Variants in MIPEP observed in about 807,000 individuals in gnomAD.
The protein encoded by MIPEP is mitochondrial intermediate peptidase.
A neutral mutation model predicts 90.3 loss-of-function variants in MIPEP; 79 were observed. The observed-to-expected ratio is 0.87, with a 90% CI of 0.73 to 1.05. The LOEUF (loss-of-function observed/expected upper bound fraction) is 1.05, where lower values mean the gene tolerates loss of function less well. Ranked by LOEUF, MIPEP falls within the 50% of genes least tolerant of loss-of-function variation. The pLI is 0.00. For missense variants in MIPEP, 940 were observed against 905.6 expected (o/e 1.04, Z -0.49); for synonymous variants, 334 against 315.8 (o/e 1.06, Z -0.61).
At chr13:23,877,069 TTAAA>T (rs1057385844) in intron 4 of MIPEP, among the ~76,000 whole-genome samples, 4 of 152,200 alleles carry the variant, frequency 2.6e-5, no homozygotes, top group Non-Finnish European at 5.9e-5. Flanking sequence ...ATAACGCTCT[TTAAA>T]TACAGCATTT....
At chr13:23,820,001 C>T (rs1953285698) in intron 14 of MIPEP, among the ~76,000 whole-genome samples, 1 of 151,032 alleles carries the variant, frequency 6.6e-6, no homozygotes, top group African/African-American at 2.4e-5. Flanking sequence ...AAGAGGGAGA[C>T]TCCATCTCAA....
intron 16 of MIPEP, among the ~76,000 whole-genome samples, chr13:23,778,677 TCC>T (rs1952743750): frequency 6.6e-6 from 1 of 151,248 alleles, no homozygotes; most frequent in African/African-American, 2.4e-5. Context: ...TTTTTTCAAT[TCC>T]CCTTTCAAGC....
chr13:23,803,964 G>A (rs1953077312), intron 16 of MIPEP, among the ~76,000 whole-genome samples: 1 of 152,066 alleles, frequency 6.6e-6, no homozygotes, highest in East Asian at 1.9e-4. Flanking sequence ...GCAAGTGATG[G>A]CTACTGAACG....
intron 14 of MIPEP, among the ~76,000 whole-genome samples, chr13:23,832,929 T>C (rs1868843445): frequency 6.6e-6 from 1 of 152,232 alleles, no homozygotes; most frequent in Non-Finnish European, 1.5e-5. Flanking sequence ...GCATGACACC[T>C]GCAAATCTGA....
intron 1 of MIPEP, chr13:23,888,865 A>T (rs1871654162): frequency 1.6e-6 from 1 of 614,306 alleles, no homozygotes; most frequent in African/African-American, 1.9e-5. Flanking sequence ...GCCAGAACGA[A>T]CTATTCAGAT....
chr13:23,782,153 T>C (rs926510953), intron 16 of MIPEP, among the ~76,000 whole-genome samples: 5 of 152,174 alleles, frequency 3.3e-5, no homozygotes, highest in African/African-American at 1.2e-4. Flanking sequence ...AGAATATACA[T>C]TCTTCTCAGC....
intron 16 of MIPEP, among the ~76,000 whole-genome samples, chr13:23,795,006 A>G (rs1952940948): frequency 1.3e-5 from 2 of 152,252 alleles, no homozygotes; most frequent in Non-Finnish European, 2.9e-5. Flanking sequence ...AGGTGTTTCT[A>G]GATATGCACC....
chr13:23,795,736 A>T (rs1447402840), intron 16 of MIPEP, among the ~76,000 whole-genome samples: 1 of 152,058 alleles, frequency 6.6e-6, no homozygotes, highest in East Asian at 1.9e-4. Context: ...AATTAAAAAC[A>T]CAAAAACATT....
chr13:23,795,896 C>T (rs1952953804), intron 16 of MIPEP, among the ~76,000 whole-genome samples: 1 of 151,146 alleles, frequency 6.6e-6, no homozygotes, highest in South Asian at 2.1e-4. Flanking sequence ...CCTGGGAAAC[C>T]GAGACAGGAG....
rs1377835837 is a variant in MIPEP, at chr13:23,870,202, G to A, written c.604-7C>T. On this transcript the variant is annotated splice_region_variant and splice_polypyrimidine_tract_variant and intron_variant, in intron 5 of 18. Transcript: ENST00000382172. The stretch of plus-strand genomic sequence containing the variant: ...GGTCCACTGCTCTTTTACGCTGTAT[G>A]CAGGAGGAGTAAAAGTTATTTAAAG... The A allele has an allele frequency of 3.3e-6, 5 of 1,515,994 alleles. No individual in the cohort carries two copies. The highest frequency in any genetic ancestry group is 1.7e-4 in the Middle Eastern group (1 of 5,716). 93.9% of individuals were successfully genotyped at this position (1,515,994 alleles called of 1,614,324 possible).
intron 16 of MIPEP, among the ~76,000 whole-genome samples, chr13:23,779,222 T>C (rs889044800): frequency 2.0e-5 from 3 of 152,164 alleles, no homozygotes; most frequent in Non-Finnish European, 2.9e-5. Context: ...CGTACAGCTA[T>C]TGGAAAGCAG....
At chr13:23,734,125 T>C (rs1182291230) in intron 18 of MIPEP, among the ~76,000 whole-genome samples, 3 of 152,224 alleles carry the variant, frequency 2.0e-5, no homozygotes, top group Non-Finnish European at 2.9e-5. Context: ...ACAGAGAACA[T>C]TTGTAGGGAA....
chr13:23,797,650 G>A (rs1044817046), intron 16 of MIPEP, among the ~76,000 whole-genome samples: 2 of 152,170 alleles, frequency 1.3e-5, no homozygotes, highest in Non-Finnish European at 2.9e-5. Flanking sequence ...GCTTGCTGAT[G>A]CACAACAAAT....
intron 10 of MIPEP, among the ~76,000 whole-genome samples, chr13:23,855,077 A>G (rs1869994521): frequency 6.6e-6 from 1 of 152,180 alleles, no homozygotes; most frequent in South Asian, 2.1e-4. Flanking sequence ...AGAGGTAGAG[A>G]TGAGTATTCT....
intron 7 of MIPEP, among the ~76,000 whole-genome samples, chr13:23,865,248 CTA>C (rs1388775399): frequency 6.6e-6 from 1 of 152,172 alleles, no homozygotes; most frequent in African/African-American, 2.4e-5. Context: ...ACCACAAACA[CTA>C]TGTTTGTATT....
At chr13:23,861,484 C>T (rs1033263445) in intron 9 of MIPEP, among the ~76,000 whole-genome samples, 3 of 152,178 alleles carry the variant, frequency 2.0e-5, no homozygotes, top group African/African-American at 7.2e-5. Flanking sequence ...ACATGCTACT[C>T]TACACATCGC....
chr13:23,849,456 T>A lies in MIPEP; in HGVS notation c.1107-7968A>T, dbSNP rs188221317. Among the ~76,000 whole-genome samples the A allele has an allele frequency of 6.5e-3, 996 of 152,344 alleles. 11 individuals are homozygous for A. The highest frequency in any genetic ancestry group is 0.023 in the African/African-American group (936 of 41,572). ...GATCTGGACCCAGAAGTAAGGGATC[T>A]CTAGAACCCTTTGATTCCTCTGAAG... On this transcript the variant is annotated intron_variant, in intron 10 of 18. Coordinates refer to ENST00000382172, the MANE Select transcript of MIPEP (RefSeq NM_005932.4).
intron 14 of MIPEP, among the ~76,000 whole-genome samples, chr13:23,834,849 C>T (rs927353514): frequency 8.6e-5 from 13 of 151,664 alleles, no homozygotes; most frequent in Non-Finnish European, 2.9e-5. Flanking sequence ...TATGCTATCA[C>T]GTGGTAGGGT....
At chr13:23,868,486 G>A (rs1232083030) in intron 7 of MIPEP, among the ~76,000 whole-genome samples, 3 of 152,176 alleles carry the variant, frequency 2.0e-5, no homozygotes, top group Non-Finnish European at 4.4e-5. Context: ...GATTCAGGTT[G>A]TGATCTGCCC....
Sources: gnomAD v4.1 joint callset for allele counts (sites outside exome capture counted in the v4.1 genomes callset) on GRCh38, gnomAD v4.1.1 for gene constraint, MANE v1.5 for transcripts, NCBI Gene and HGNC (gene_info 2026-07-23, HGNC 2026-07-21) for gene names.